The following MYRIP variants were observed in gnomAD, a reference collection of about 807,000 sequenced individuals.
MYRIP encodes rab effector MyRIP.
In MYRIP, 49 loss-of-function variants were observed where a neutral mutation model predicts 98.0. The observed-to-expected ratio is 0.50, with a 90% confidence interval of 0.40 to 0.63. MYRIP has a LOEUF of 0.63. Among genes scored for constraint, MYRIP ranks in the 30% least tolerant of loss-of-function variants. The probability of loss-of-function intolerance (pLI) is 0.00; values close to 1 mark genes in which losing one functional copy is unlikely to be tolerated. For synonymous variants in MYRIP, 404 were observed against 409.5 expected (o/e 0.99, Z 0.16); for missense variants, 1,004 against 1,058.2 (o/e 0.95, Z 0.71).
intron 3 of MYRIP, among the ~76,000 whole-genome samples, chr3:40,138,402 A>G (rs1949826712): frequency 6.6e-6 from 1 of 152,208 alleles, no homozygotes; most frequent in Non-Finnish European, 1.5e-5. Context: ...AAGGACTTTA[A>G]GTAATCAGTT....
chr3:39,847,627 A>G (rs1475648152), intron 1 of MYRIP, among the ~76,000 whole-genome samples: 1 of 152,098 alleles, frequency 6.6e-6, no homozygotes, highest in African/African-American at 2.4e-5. Context: ...AGTGATTTTG[A>G]TACCCACAGA....
In MYRIP at chr3:39,883,216, T is replaced by C. The variant is rs147839098; in HGVS notation, c.-30-17571T>C. 5.9e-3 allele frequency among the ~76,000 whole-genome samples: 902 copies of C among 152,218 alleles called. 6 individuals are homozygous for C. The highest frequency in any genetic ancestry group is 0.01 in the Non-Finnish European group (685 of 68,004). ...GACAAACCCTCACTTTGGGTTGAAA[T>C]CTCAAAAAGTCTTACCTGTTAAGTA... On this transcript the variant is annotated intron_variant, in intron 1 of 16. Coordinates refer to ENST00000302541, the MANE Select transcript of MYRIP (RefSeq NM_015460.4).
chr3:39,892,004 A>G lies in MYRIP; in HGVS notation c.-30-8783A>G, dbSNP rs1045650114. On this transcript the variant is annotated intron_variant, in intron 1 of 16. Transcript: ENST00000302541. ...TTCAAATTTTTATATAGACAAATAC[A>G]TCTCTCTTTGTATTTATGGATTTTC... Among the ~76,000 whole-genome samples, 26 of 152,068 alleles carry G rather than the reference A, an allele frequency of 1.7e-4. 1 individual carries two copies. Among genetic ancestry groups the G allele is most frequent in the Non-Finnish European group, 3.5e-4 (24 of 68,004 alleles).
At chr3:39,941,708 C>T (rs997017793) in intron 2 of MYRIP, among the ~76,000 whole-genome samples, 3 of 151,942 alleles carry the variant, frequency 2.0e-5, no homozygotes, top group Non-Finnish European at 4.4e-5. Flanking sequence ...TATACCATAT[C>T]ATATAAATAC....
intron 4 of MYRIP, among the ~76,000 whole-genome samples, chr3:40,153,984 C>T (rs764703773): frequency 2.0e-5 from 3 of 151,826 alleles, no homozygotes; most frequent in Non-Finnish European, 4.4e-5. Flanking sequence ...TACTAAAATA[C>T]AAAAAATTAG....
intron 3 of MYRIP, among the ~76,000 whole-genome samples, chr3:40,107,413 T>C (rs1023758879): frequency 1.3e-5 from 2 of 152,180 alleles, no homozygotes; most frequent in East Asian, 1.9e-4. Flanking sequence ...CATAAAGTTG[T>C]ATAAAAGACA....
At chr3:40,027,834 A>T (rs912884643) in intron 2 of MYRIP, among the ~76,000 whole-genome samples, 4 of 152,236 alleles carry the variant, frequency 2.6e-5, no homozygotes, top group Non-Finnish European at 4.4e-5. Context: ...CAAGATGGGC[A>T]GGGTCAAGAG....
chr3:40,236,073 G>C (rs750079572), intron 12 of MYRIP, among the ~76,000 whole-genome samples: 10 of 152,154 alleles, frequency 6.6e-5, no homozygotes, highest in Non-Finnish European at 1.5e-4. Context: ...GGTCAATGGC[G>C]AATCACATAT....
At chr3:39,998,064 C>T (rs1361240764) in intron 2 of MYRIP, among the ~76,000 whole-genome samples, 2 of 152,128 alleles carry the variant, frequency 1.3e-5, no homozygotes, top group Non-Finnish European at 2.9e-5. Context: ...ATGACAAACC[C>T]ACAGCCAATA....
intron 3 of MYRIP, among the ~76,000 whole-genome samples, chr3:40,077,906 C>G: frequency 1.3e-5 from 2 of 152,240 alleles, no homozygotes; most frequent in Middle Eastern, 6.8e-3. Context: ...CTGCCAGTCC[C>G]GCGCCCTGCG....
At chr3:40,184,186 T>C (rs968882131) in intron 9 of MYRIP, among the ~76,000 whole-genome samples, 1 of 152,204 alleles carries the variant, frequency 6.6e-6, no homozygotes, top group African/African-American at 2.4e-5. Context: ...TCTCGCTCTC[T>C]CTCTTCTTCC....
intron 2 of MYRIP, among the ~76,000 whole-genome samples, chr3:40,031,719 G>A (rs576979037): frequency 1.2e-4 from 18 of 152,278 alleles, no homozygotes; most frequent in African/African-American, 4.3e-4. Flanking sequence ...AGTCTTGGGA[G>A]GGTGTATGTG....
intron 2 of MYRIP, among the ~76,000 whole-genome samples, chr3:39,929,158 A>G (rs1281472953): frequency 6.6e-6 from 1 of 152,034 alleles, no homozygotes; most frequent in African/African-American, 2.4e-5. Context: ...TATTGTTTAG[A>G]GTCACTCAAA....
intron 2 of MYRIP, among the ~76,000 whole-genome samples, chr3:40,042,723 G>A (rs1340181558): frequency 6.6e-6 from 1 of 152,170 alleles, no homozygotes; most frequent in Non-Finnish European, 1.5e-5. Flanking sequence ...TATTATCATA[G>A]TAGAATGCTG....
Position 40,182,295 on chromosome 3 carries a change from C to T in MYRIP, c.949C>T (p.Pro317Ser). 1 of 1,613,996 alleles carries T rather than the reference C, an allele frequency of 6.2e-7. No individual in the cohort carries two copies. The highest frequency in any genetic ancestry group is 1.1e-5 in the South Asian group (1 of 91,026). Reference sequence around the variant, plus strand: ...TCCAGTGGAGGCTCCATCGAGGCAGCCAAGGGACCAAGGCCAACACCCGAG... The same window carrying T: ...TCCAGTGGAGGCTCCATCGAGGCAGTCAAGGGACCAAGGCCAACACCCGAG... ...TPPVEAPSRQ[P>S]RDQGQHPRAE... is the part of the protein sequence containing the mutation. Residue 317 changes from proline to serine, a missense_variant, in exon 9 of 17, where the codon CCA (proline) becomes TCA (serine). By Grantham distance (74) the Pro-to-Ser change is moderately conservative. Transcript: ENST00000302541.
rs540702353 is a variant in MYRIP, at chr3:40,081,943, T to A, written c.332+37672T>A. On this transcript the variant is annotated intron_variant, in intron 3 of 16. Coordinates refer to ENST00000302541, the MANE Select transcript of MYRIP (RefSeq NM_015460.4). Reference sequence around the variant, plus strand: ...GTACTATTTGTCTTTCTGTGCTGACTTCTTTCACTTAGCATGATGTCCTCC... The same window carrying A: ...GTACTATTTGTCTTTCTGTGCTGACATCTTTCACTTAGCATGATGTCCTCC... 1.5e-3 allele frequency among the ~76,000 whole-genome samples: 221 copies of A among 152,348 alleles called. 2 individuals are homozygous for A. The highest frequency in any genetic ancestry group is 5.1e-3 in the African/African-American group (212 of 41,590).
intron 2 of MYRIP, among the ~76,000 whole-genome samples, chr3:39,978,896 A>AT (rs894904587): frequency 1.7e-4 from 26 of 151,536 alleles, no homozygotes; most frequent in Non-Finnish European, 2.8e-4. Flanking sequence ...AAGCTGTAGC[A>AT]TTTTTTCACT....
intron 2 of MYRIP, among the ~76,000 whole-genome samples, chr3:39,909,160 A>T (rs1409029906): frequency 6.6e-6 from 1 of 152,190 alleles, no homozygotes; most frequent in Non-Finnish European, 1.5e-5. Flanking sequence ...AGGAGGAGAC[A>T]GAACTGGGAG....
intron 3 of MYRIP, among the ~76,000 whole-genome samples, chr3:40,065,860 G>C (rs1948116422): frequency 6.6e-6 from 1 of 152,078 alleles, no homozygotes; most frequent in Admixed American, 6.6e-5. Context: ...CACAATGCCT[G>C]GCACACTGTA....
Sources: gnomAD v4.1 joint callset for allele counts (sites outside exome capture counted in the v4.1 genomes callset) on GRCh38, gnomAD v4.1.1 for gene constraint, MANE v1.5 for transcripts, NCBI Gene and HGNC (gene_info 2026-07-23, HGNC 2026-07-21) for gene names.